OSBPL9: variants seen among roughly 807,000 people sequenced by gnomAD.
OSBPL9 encodes the protein oxysterol binding protein like 9.
OSBPL9 carries 40 observed loss-of-function variants against 106.6 expected under a neutral mutation model. That is an observed-to-expected ratio of 0.38 (90% CI 0.29 to 0.49). OSBPL9 has a LOEUF of 0.49. Ranked by LOEUF, OSBPL9 falls within the 20% of genes least tolerant of loss-of-function variation. OSBPL9 has a pLI of 0.97. For synonymous variants in OSBPL9, 269 were observed against 295.4 expected, an observed-to-expected ratio of 0.91 and a Z score of 0.92; for missense variants, 609 against 887.2, an observed-to-expected ratio of 0.69 and a Z score of 3.98.
Position 51,783,909 on chromosome 1 carries a change from A to G in OSBPL9, c.1514-6A>G, listed in dbSNP as rs1676988388. On this transcript the variant is annotated splice_polypyrimidine_tract_variant and splice_region_variant and intron_variant, in intron 17 of 23. Coordinates refer to ENST00000428468, the MANE Select transcript of OSBPL9 (RefSeq NM_024586.6). ...TATAATCTACTAATTGAAAATTTCTATTCAGTTTCAGCCTTTTATGCTGAG... is the reference window on the plus strand; with the variant it reads ...TATAATCTACTAATTGAAAATTTCTGTTCAGTTTCAGCCTTTTATGCTGAG... 1.3e-6 allele frequency: 2 copies of G among 1,597,794 alleles called. No homozygotes were observed. The highest frequency in any genetic ancestry group is 1.7e-6 in the Non-Finnish European group (2 of 1,165,278).
chr1:51,765,593 G>T, intron 11 of OSBPL9: 1 of 348,338 alleles, frequency 2.9e-6, no homozygotes, highest in Non-Finnish European at 5.2e-6. Flanking sequence ...ATAGAATGAG[G>T]ACATAGCTTT....
chr1:51,774,780 A>G (rs1466833365), intron 14 of OSBPL9, among the ~76,000 whole-genome samples: 1 of 152,228 alleles, frequency 6.6e-6, no homozygotes, highest in Non-Finnish European at 1.5e-5. Flanking sequence ...CAGCAGTTTG[A>G]CTTAATAGCA....
At chr1:51,786,847 AG>A (rs1430782401) in intron 22 of OSBPL9, among the ~76,000 whole-genome samples, 1 of 152,198 alleles carries the variant, frequency 6.6e-6, no homozygotes, top group Admixed American at 6.5e-5. Flanking sequence ...AAAGGCCTTG[AG>A]AGGAAGCCAC....
chr1:51,551,891 C>G, the OSBPL9 span, among the ~76,000 whole-genome samples: 4 of 151,766 alleles, frequency 2.6e-5, no homozygotes, highest in Admixed American at 6.6e-5. Context: ...CCGTGTCCAG[C>G]CTTCCAACAG....
At chr1:51,760,457 T>C (rs141400762) in intron 9 of OSBPL9, 20 of 457,700 alleles carry the variant, frequency 4.4e-5, no homozygotes, top group African/African-American at 4.1e-4. Flanking sequence ...AGTTTTTCCA[T>C]TTAGCTTTAC....
intron 1 of OSBPL9, among the ~76,000 whole-genome samples, chr1:51,636,932 C>T (rs1645486767): frequency 6.6e-6 from 1 of 152,132 alleles, no homozygotes. Context: ...CAGAAGTCAG[C>T]ATTACCGCCC....
chr1:51,705,906 T>C (rs143524088), intron 3 of OSBPL9, among the ~76,000 whole-genome samples: 2 of 152,380 alleles, frequency 1.3e-5, no homozygotes, highest in African/African-American at 4.8e-5. Context: ...ATTTTATTCT[T>C]AGTACATTCC....
chr1:51,678,217 T>C (rs923959243), intron 3 of OSBPL9, among the ~76,000 whole-genome samples: 1 of 151,916 alleles, frequency 6.6e-6, no homozygotes, highest in Non-Finnish European at 1.5e-5. Flanking sequence ...ATGAAATTGG[T>C]TTACAAATTT....
rs986998583 is a variant in OSBPL9 at position 51,680,660 on chromosome 1, CA to C, written c.241+11156del. ...TGGGTGACAGAGTGAGACCCTGTCTCAAAAAAAACAAAAAAAAACCATGATT... is the reference window on the plus strand; with the variant it reads ...TGGGTGACAGAGTGAGACCCTGTCTCAAAAAAACAAAAAAAAACCATGATT... On this transcript the variant is annotated intron_variant, in intron 3 of 23. Coordinates refer to ENST00000428468, the MANE Select transcript of OSBPL9 (RefSeq NM_024586.6). Among the ~76,000 whole-genome samples the C allele has an allele frequency of 4.1e-5, 6 of 145,428 alleles. No homozygotes were observed. In the East Asian group the frequency reaches 8.0e-4, roughly 19 times the overall value.
intron 1 of OSBPL9, among the ~76,000 whole-genome samples, chr1:51,589,508 C>T (rs575943946): frequency 2.0e-5 from 3 of 151,972 alleles, no homozygotes; most frequent in South Asian, 2.1e-4. Context: ...AGAGTATAAC[C>T]GTATACAGGG....
At chr1:51,519,092 C>T in the OSBPL9 span, 1 of 750,094 alleles carries the variant, frequency 1.3e-6, no homozygotes, top group Non-Finnish European at 2.0e-6. Flanking sequence ...GCCCACAAGC[C>T]AAGAAGCTGC....
intron 9 of OSBPL9, chr1:51,760,163 G>A (rs1671182058): frequency 1.9e-5 from 3 of 154,148 alleles, no homozygotes; most frequent in Admixed American, 1.3e-4. Flanking sequence ...TATTTTATCA[G>A]GGACTTGAGT....
chr1:51,604,645 A>AGG (rs1276722889), intron 2 of OSBPL9, among the ~76,000 whole-genome samples: 1 of 152,078 alleles, frequency 6.6e-6, no homozygotes, highest in East Asian at 1.9e-4. Flanking sequence ...AAATATGGCT[A>AGG]GCTTCATGGT....
intron 3 of OSBPL9, among the ~76,000 whole-genome samples, chr1:51,697,021 G>C (rs917495822): frequency 6.6e-6 from 1 of 151,966 alleles, no homozygotes; most frequent in African/African-American, 2.4e-5. Flanking sequence ...TTAGCTGGGC[G>C]TAGTGGCTTG....
rs912952402 is a variant in OSBPL9, at chr1:51,786,691, T to C, written c.2000+74T>C. On this transcript the variant is annotated intron_variant, in intron 22 of 23. Coordinates refer to ENST00000428468, the MANE Select transcript of OSBPL9 (RefSeq NM_024586.6). ...GCCTAGGCGTAGGCACAGGGCTGGG[T>C]TTGAGAGACAGTAGGGCAGAGCATA... 15 of 1,249,218 alleles carry C rather than the reference T, an allele frequency of 1.2e-5. No homozygotes were observed. The African/African-American group carries it at 2.3e-4, about 19-fold the overall frequency. The allele number at this position is 1,249,218 out of a possible 1,614,324, so 77.4% of individuals were successfully genotyped here.
At chr1:51,623,943 A>C (rs1375968347) in intron 1 of OSBPL9, among the ~76,000 whole-genome samples, 2 of 149,844 alleles carry the variant, frequency 1.3e-5, no homozygotes, top group Non-Finnish European at 3.0e-5. Context: ...TTTTTGTCGG[A>C]GTCTCGCTCT....
At chr1:51,529,445 G>C in the OSBPL9 span, among the ~76,000 whole-genome samples, 2 of 151,866 alleles carry the variant, frequency 1.3e-5, no homozygotes, top group African/African-American at 4.8e-5. Context: ...GGGTTTCACC[G>C]TGTTAGCCAG....
intron 4 of OSBPL9, among the ~76,000 whole-genome samples, chr1:51,738,552 C>T (rs1666208919): frequency 6.6e-6 from 1 of 151,974 alleles, no homozygotes; most frequent in Non-Finnish European, 1.5e-5. Context: ...TCATAATACC[C>T]AGTGCTTTCC....
At chr1:51,624,361 G>A (rs568105511) in intron 1 of OSBPL9, among the ~76,000 whole-genome samples, 4 of 152,178 alleles carry the variant, frequency 2.6e-5, no homozygotes, top group Admixed American at 1.3e-4. Flanking sequence ...GTCGAGGCAG[G>A]TGGGTCACTT....
Sources: gnomAD v4.1 joint callset for allele counts (sites outside exome capture counted in the v4.1 genomes callset) on GRCh38, gnomAD v4.1.1 for gene constraint, MANE v1.5 for transcripts, NCBI Gene and HGNC (gene_info 2026-07-23, HGNC 2026-07-21) for gene names.